The following SNX29 variants were observed in gnomAD, a reference collection of about 807,000 sequenced individuals.
SNX29 encodes sorting nexin 29.
SNX29 carries 78 observed loss-of-function variants against 102.1 expected under a neutral mutation model. That is an observed-to-expected ratio of 0.76 (90% CI 0.64 to 0.92). SNX29 has a LOEUF of 0.92. SNX29 is among the 40% of genes least tolerant of loss of function. SNX29 has a pLI of 0.00. For synonymous variants in SNX29, 580 were observed against 414.5 expected (o/e 1.40, Z -4.85); for missense variants, 1,280 against 1,061.7 (o/e 1.21, Z -2.86).
At chr16:12,093,723 G>A (rs1250025941) in intron 11 of SNX29, 1 of 152,194 alleles carries the variant, frequency 6.6e-6, no homozygotes, top group Non-Finnish European at 1.5e-5. Flanking sequence ...GTTATATGAA[G>A]TGTCTGTTGT....
intron 4 of SNX29, among the ~76,000 whole-genome samples, chr16:12,039,936 T>C (rs1419514529): frequency 6.6e-6 from 1 of 152,188 alleles, no homozygotes; most frequent in East Asian, 1.9e-4. Flanking sequence ...AGCTGGTGCA[T>C]AGTTAATGCT....
intron 1 of SNX29, among the ~76,000 whole-genome samples, chr16:11,981,956 G>C (rs2055426694): frequency 1.3e-5 from 2 of 151,964 alleles, no homozygotes; most frequent in South Asian, 4.1e-4. Flanking sequence ...TGTAATCTGA[G>C]CCCTTTGGGA....
At chr16:12,155,877 G>C (rs2055526538) in intron 13 of SNX29, among the ~76,000 whole-genome samples, 1 of 152,194 alleles carries the variant, frequency 6.6e-6, no homozygotes, top group Non-Finnish European at 1.5e-5. Flanking sequence ...ATCCTCATGA[G>C]ATCACTCCTC....
At chr16:12,524,486 C>T (rs761453767) in intron 19 of SNX29, among the ~76,000 whole-genome samples, 11 of 151,302 alleles carry the variant, frequency 7.3e-5, no homozygotes, top group Non-Finnish European at 1.3e-4. Context: ...GGTCTTGGAC[C>T]TGCTTTTCCT....
At chr16:12,015,822 C>CCACT (rs2056830682) in intron 3 of SNX29, among the ~76,000 whole-genome samples, 2 of 151,150 alleles carry the variant, frequency 1.3e-5, no homozygotes, top group Admixed American at 6.6e-5. Flanking sequence ...GGCGCCTGAG[C>CCACT]CACTGTGCCC....
At chr16:12,077,999 T>C (rs542236892) in intron 10 of SNX29, among the ~76,000 whole-genome samples, 14 of 152,168 alleles carry the variant, frequency 9.2e-5, no homozygotes, top group Non-Finnish European at 1.9e-4. Context: ...CCTTGTTTAA[T>C]GTATGCAGTT....
Position 11,976,977 on chromosome 16 carries a change from C to T in SNX29, c.7+164C>T, listed in dbSNP as rs996275492. On this transcript the variant is annotated intron_variant, in intron 1 of 20. Transcript: ENST00000566228. ...GGCCCCCAGGACTCCCGGCTCGTGGCCCCTGCTCACCTGCGGGTCTCTGAT... is the reference window on the plus strand; with the variant it reads ...GGCCCCCAGGACTCCCGGCTCGTGGTCCCTGCTCACCTGCGGGTCTCTGAT... The T allele has an allele frequency of 8.6e-5, 75 of 868,742 alleles. 1 individual carries two copies. The Middle Eastern group carries it at 4.2e-3, about 49-fold the overall frequency. The allele number at this position is 868,742 out of a possible 1,614,324, so 53.8% of individuals were successfully genotyped here.
At chr16:12,035,619 G>T (rs2057452474) in intron 4 of SNX29, among the ~76,000 whole-genome samples, 1 of 152,166 alleles carries the variant, frequency 6.6e-6, no homozygotes, top group Non-Finnish European at 1.5e-5. Flanking sequence ...GAGTTCTCAG[G>T]CTGGCACATG....
At chr16:12,210,611 C>T (rs147280297) in intron 14 of SNX29, among the ~76,000 whole-genome samples, 18 of 152,164 alleles carry the variant, frequency 1.2e-4, no homozygotes, top group South Asian at 6.2e-4. Flanking sequence ...CCTCCACTGC[C>T]GAGCTTCCAC....
At chr16:12,192,514 T>C (rs1045366987) in intron 13 of SNX29, among the ~76,000 whole-genome samples, 1 of 152,172 alleles carries the variant, frequency 6.6e-6, no homozygotes, top group Middle Eastern at 3.4e-3. Flanking sequence ...CCTTTTTAAT[T>C]TATTTTTTTG....
intron 14 of SNX29, among the ~76,000 whole-genome samples, chr16:12,230,124 A>G (rs937572021): frequency 6.6e-6 from 1 of 152,214 alleles, no homozygotes; most frequent in Non-Finnish European, 1.5e-5. Context: ...TAGTTTGTAC[A>G]CGTCTGTTCT....
chr16:12,356,571 G>A (rs9932620), intron 16 of SNX29, among the ~76,000 whole-genome samples: 23,510 of 152,164 alleles, frequency 0.15, 3,815 homozygotes, highest in African/African-American at 0.42. Context: ...TACTACATGG[G>A]TAAATTTCCA....
At chr16:11,997,052 A>T (rs1045160435) in intron 1 of SNX29, among the ~76,000 whole-genome samples, 1 of 152,168 alleles carries the variant, frequency 6.6e-6, no homozygotes, top group African/African-American at 2.4e-5. Context: ...AGAGGTCTTG[A>T]GTCAGGATCA....
intron 20 of SNX29, among the ~76,000 whole-genome samples, chr16:12,539,636 A>G (rs1255030683): frequency 1.3e-5 from 2 of 152,190 alleles, no homozygotes; most frequent in African/African-American, 2.4e-5. Flanking sequence ...TGCTAAATGT[A>G]AGAAACTGCA....
intron 14 of SNX29, among the ~76,000 whole-genome samples, chr16:12,242,491 G>T (rs781650532): frequency 6.6e-6 from 1 of 151,200 alleles, no homozygotes; most frequent in Non-Finnish European, 1.5e-5. Flanking sequence ...GTGAGTGGTC[G>T]GAGAATTAGT....
At chr16:12,314,639 T>G (rs1318508110) in intron 15 of SNX29, among the ~76,000 whole-genome samples, 4 of 152,272 alleles carry the variant, frequency 2.6e-5, no homozygotes. Flanking sequence ...AAGCTGTTTC[T>G]TCAGCATCTT....
chr16:12,039,299 C>T (rs2057563713), intron 4 of SNX29, among the ~76,000 whole-genome samples: 1 of 152,132 alleles, frequency 6.6e-6, no homozygotes, highest in South Asian at 2.1e-4. Context: ...GGCGATTCTG[C>T]ACTTTTGTGT....
At chr16:12,069,023 G>C in intron 9 of SNX29, 34 bp from the exon 10 acceptor site, 2 of 1,602,872 alleles carry the variant, frequency 1.2e-6, no homozygotes, top group African/African-American at 1.3e-5. Context: ...AGTGAGAAAA[G>C]TGACCTCTTT....
At chr16:12,238,619 C>T (rs138241063) in intron 14 of SNX29, among the ~76,000 whole-genome samples, 63 of 152,350 alleles carry the variant, frequency 4.1e-4, no homozygotes, top group Middle Eastern at 6.8e-3. Context: ...CCACCGCGTC[C>T]GGCCTTGAAT....
Sources: allele counts gnomAD v4.1 joint callset (sites outside exome capture counted in the v4.1 genomes callset), GRCh38; gene constraint gnomAD v4.1.1; transcripts MANE v1.5; gene names NCBI Gene and HGNC (gene_info 2026-07-23, HGNC 2026-07-21).